UBE2E2: variants seen among roughly 807,000 people sequenced by gnomAD.
The protein encoded by UBE2E2 is ubiquitin conjugating enzyme E2 E2.
Under a neutral mutation model 24.7 loss-of-function variants are expected in UBE2E2, and 6 were observed. The ratio of observed to expected loss-of-function variants is 0.24; its 90% CI spans 0.13 to 0.48. The LOEUF (loss-of-function observed/expected upper bound fraction) is 0.48, where lower values mean the gene tolerates loss of function less well. Among genes scored for constraint, UBE2E2 ranks in the 20% least tolerant of loss-of-function variants. The pLI is 0.99. For synonymous variants in UBE2E2, 104 were observed against 83.6 expected, an observed-to-expected ratio of 1.24 and a Z score of -1.33; for missense variants, 169 against 245.0, an observed-to-expected ratio of 0.69 and a Z score of 2.07.
At chr3:23,263,976 A>G (rs925700229) in intron 3 of UBE2E2, among the ~76,000 whole-genome samples, 13 of 152,192 alleles carry the variant, frequency 8.5e-5, no homozygotes, top group African/African-American at 3.1e-4. Context: ...TCTACAGGGT[A>G]TCCGTGGTGA....
intron 3 of UBE2E2, among the ~76,000 whole-genome samples, chr3:23,463,998 G>A (rs1408247145): frequency 6.6e-6 from 1 of 152,036 alleles, no homozygotes; most frequent in Non-Finnish European, 1.5e-5. Context: ...TTTCAAAATA[G>A]CATGTTTGCA....
At chr3:23,448,026 C>T (rs1041713474) in intron 3 of UBE2E2, among the ~76,000 whole-genome samples, 4 of 152,112 alleles carry the variant, frequency 2.6e-5, no homozygotes, top group African/African-American at 9.7e-5. Context: ...AATCAATGTT[C>T]AGAGGAGTAA....
chr3:23,573,211 G>T (rs1455142823), intron 5 of UBE2E2, among the ~76,000 whole-genome samples: 1 of 152,164 alleles, frequency 6.6e-6, no homozygotes, highest in African/African-American at 2.4e-5. Flanking sequence ...GGAAGCTTGT[G>T]TATGATAAAG....
At chr3:23,462,323 T>C (rs1698821257) in intron 3 of UBE2E2, among the ~76,000 whole-genome samples, 1 of 152,168 alleles carries the variant, frequency 6.6e-6, no homozygotes, top group Non-Finnish European at 1.5e-5. Context: ...ACCAAGACAA[T>C]TGAGGAGTTT....
chr3:23,392,410 G>C (rs1559370475), intron 3 of UBE2E2, among the ~76,000 whole-genome samples: 2 of 152,142 alleles, frequency 1.3e-5, no homozygotes, highest in Middle Eastern at 3.4e-3. Context: ...CAAGTAGCTT[G>C]GGTTTGCATT....
At chr3:23,307,784 A>G (rs575040731) in intron 3 of UBE2E2, among the ~76,000 whole-genome samples, 1 of 152,320 alleles carries the variant, frequency 6.6e-6, no homozygotes, top group African/African-American at 2.4e-5. Context: ...ATTATGAATT[A>G]TTTAAGAATA....
chr3:23,255,012 A>G (rs1336834273), intron 3 of UBE2E2, among the ~76,000 whole-genome samples: 2 of 151,796 alleles, frequency 1.3e-5, no homozygotes, highest in African/African-American at 2.4e-5. Flanking sequence ...TTCTGAAGGC[A>G]TATAACCTGG....
intron 3 of UBE2E2, among the ~76,000 whole-genome samples, chr3:23,316,202 A>G (rs1299502266): frequency 6.6e-6 from 1 of 152,116 alleles, no homozygotes; most frequent in African/African-American, 2.4e-5. Context: ...CTTCAGGGTG[A>G]TGCCTTCCCT....
chr3:23,493,912 A>G (rs1203616924), intron 3 of UBE2E2, among the ~76,000 whole-genome samples: 1 of 152,180 alleles, frequency 6.6e-6, no homozygotes, highest in Admixed American at 6.5e-5. Flanking sequence ...TGACATTTGG[A>G]GGGTTACTAT....
At chr3:23,256,510 G>T (rs1697726126) in intron 3 of UBE2E2, among the ~76,000 whole-genome samples, 1 of 152,164 alleles carries the variant, frequency 6.6e-6, no homozygotes, top group Non-Finnish European at 1.5e-5. Context: ...TCTTTGAGCA[G>T]TATGATTTTT....
At chr3:23,283,442 G>A (rs1267691989) in intron 3 of UBE2E2, among the ~76,000 whole-genome samples, 2 of 152,052 alleles carry the variant, frequency 1.3e-5, no homozygotes, top group Admixed American at 1.3e-4. Context: ...AATTTAGGTC[G>A]GTGGTTCTCT....
At chr3:23,306,771 A>T (rs1699247359) in intron 3 of UBE2E2, among the ~76,000 whole-genome samples, 1 of 152,184 alleles carries the variant, frequency 6.6e-6, no homozygotes, top group African/African-American at 2.4e-5. Context: ...TGAACCATGG[A>T]TGCTGATTTT....
intron 3 of UBE2E2, among the ~76,000 whole-genome samples, chr3:23,271,937 G>A (rs976360298): frequency 3.9e-5 from 6 of 152,230 alleles, no homozygotes; most frequent in African/African-American, 9.6e-5. Flanking sequence ...TCTCCAAGTC[G>A]TCACCTGACT....
intron 3 of UBE2E2, among the ~76,000 whole-genome samples, chr3:23,359,801 C>T (rs1480810029): frequency 6.6e-6 from 1 of 152,116 alleles, no homozygotes; most frequent in Non-Finnish European, 1.5e-5. Flanking sequence ...CCAGTGTACT[C>T]AGACAGGGGA....
At chr3:23,205,880 C>T (rs1379386020) in intron 1 of UBE2E2, among the ~76,000 whole-genome samples, 1 of 151,998 alleles carries the variant, frequency 6.6e-6, no homozygotes, top group Admixed American at 6.5e-5. Context: ...ATTGAGTAAT[C>T]TTTTTAAGTA....
chr3:23,553,049 A>G (rs1348972608), intron 5 of UBE2E2, among the ~76,000 whole-genome samples: 1 of 151,938 alleles, frequency 6.6e-6, no homozygotes, highest in Admixed American at 6.6e-5. Flanking sequence ...TCCACCCTGG[A>G]GTTTTATGGA....
At chr3:23,332,921 C>G (rs1231746146) in intron 3 of UBE2E2, among the ~76,000 whole-genome samples, 2 of 152,156 alleles carry the variant, frequency 1.3e-5, no homozygotes, top group Non-Finnish European at 2.9e-5. Context: ...GACAGGTGTG[C>G]ATGGCTGTTA....
At chr3:23,430,865 C>T (rs1392622013) in intron 3 of UBE2E2, among the ~76,000 whole-genome samples, 1 of 152,152 alleles carries the variant, frequency 6.6e-6, no homozygotes, top group Non-Finnish European at 1.5e-5. Flanking sequence ...TTTCTGTATA[C>T]ATAAGAATCA....
chr3:23,570,184 C>T (rs567816871), intron 5 of UBE2E2, among the ~76,000 whole-genome samples: 5 of 152,270 alleles, frequency 3.3e-5, no homozygotes, highest in South Asian at 2.1e-4. Context: ...TAACTCCTTG[C>T]GGGTGAGGGA....
Sources: gnomAD v4.1 joint callset for allele counts (sites outside exome capture counted in the v4.1 genomes callset) on GRCh38, gnomAD v4.1.1 for gene constraint, MANE v1.5 for transcripts, NCBI Gene and HGNC (gene_info 2026-07-23, HGNC 2026-07-21) for gene names.